The following NUF2 variants were observed in gnomAD, a reference collection of about 807,000 sequenced individuals.
The protein encoded by NUF2 is NUF2 component of NDC80 kinetochore complex.
In NUF2, 34 loss-of-function variants were observed where a neutral mutation model predicts 61.8. The observed-to-expected ratio is 0.55, with a 90% CI of 0.42 to 0.73. NUF2 has a LOEUF of 0.73. Among genes scored for constraint, NUF2 ranks in the 30% least tolerant of loss-of-function variants. The probability of loss-of-function intolerance (pLI) is 0.00; values close to 1 mark genes in which losing one functional copy is unlikely to be tolerated. For synonymous variants in NUF2, 172 were observed against 181.6 expected (o/e 0.95, Z 0.42); for missense variants, 445 against 539.1 (o/e 0.83, Z 1.73).
intron 13 of NUF2, among the ~76,000 whole-genome samples, chr1:163,350,555 G>A: frequency 6.6e-6 from 1 of 152,218 alleles, no homozygotes; most frequent in East Asian, 1.9e-4. Flanking sequence ...TTTCTTAACA[G>A]TAGCAATTGT....
intron 4 of NUF2, chr1:163,328,524 A>G: frequency 2.0e-6 from 1 of 504,840 alleles, no homozygotes; most frequent in Non-Finnish European, 3.5e-6. Flanking sequence ...TGAACTTCTA[A>G]GATACTGTAA....
chr1:163,353,561 G>A (rs1488646344), intron 13 of NUF2, among the ~76,000 whole-genome samples: 1 of 152,086 alleles, frequency 6.6e-6, no homozygotes, highest in African/African-American at 2.4e-5. Context: ...TGTGTCTAGT[G>A]GTTGCTGTAT....
chr1:163,350,137 TAAAAATACAG>T (rs1005093788), intron 13 of NUF2, among the ~76,000 whole-genome samples: 20 of 151,768 alleles, frequency 1.3e-4, no homozygotes, highest in South Asian at 4.2e-4. Flanking sequence ...CCGTCTCTAC[TAAAAATACAG>T]AAAAATTAGC....
In NUF2 at chr1:163,328,213, G is replaced by C. The variant is rs746285018; in HGVS notation, c.199-15G>C. The C allele has an allele frequency of 1.1e-5, 17 of 1,577,308 alleles. No homozygotes were observed. Among genetic ancestry groups the C allele is most frequent in the Non-Finnish European group, 1.5e-5 (17 of 1,153,822 alleles). ...ATCAATGTGTAATGTCGATTTTGTG[G>C]TTTATTGCATTTAGATGCCAGTGAA... On this transcript the variant is annotated splice_polypyrimidine_tract_variant and intron_variant, in intron 3 of 13. Coordinates refer to ENST00000271452, the MANE Select transcript of NUF2 (RefSeq NM_145697.3).
At chr1:163,326,235 G>T in intron 2 of NUF2, 61 bp downstream of exon 2, 2 of 1,532,894 alleles carry the variant, frequency 1.3e-6, no homozygotes, top group Non-Finnish European at 8.9e-7. Context: ...AAGCTACTAG[G>T]TCTATTGTGT....
At chr1:163,329,130 ACTC>A (rs1650521993) in intron 5 of NUF2, among the ~76,000 whole-genome samples, 1 of 151,948 alleles carries the variant, frequency 6.6e-6, no homozygotes, top group South Asian at 2.1e-4. Context: ...TTTTTTTAAA[ACTC>A]CTTCCATTTA....
chr1:163,347,172 C>T (rs1381412499), intron 11 of NUF2, among the ~76,000 whole-genome samples: 1 of 152,156 alleles, frequency 6.6e-6, no homozygotes, highest in Non-Finnish European at 1.5e-5. Flanking sequence ...CATAGTCTGC[C>T]CTGAAGAAAT....
chr1:163,332,996 C>T (rs1458997834), intron 5 of NUF2, among the ~76,000 whole-genome samples: 8 of 152,076 alleles, frequency 5.3e-5, no homozygotes, highest in African/African-American at 1.7e-4. Flanking sequence ...TGGTTAATAG[C>T]GTTGTTCAAG....
intron 12 of NUF2, 62 bp downstream of exon 12, chr1:163,348,000 TC>T (rs148966056): frequency 0.043 from 52,525 of 1,235,014 alleles, 1,312 homozygotes; most frequent in South Asian, 0.076. Context: ...AATACATTTT[TC>T]CCCCAGGATT....
chr1:163,344,201 T>C (rs2101684762), intron 10 of NUF2, among the ~76,000 whole-genome samples: 1 of 152,260 alleles, frequency 6.6e-6, no homozygotes. Flanking sequence ...AATTATAAAT[T>C]ACAATATATA....
chr1:163,353,877 A>C (rs1158539396), intron 13 of NUF2, among the ~76,000 whole-genome samples: 2 of 152,016 alleles, frequency 1.3e-5, no homozygotes, highest in Non-Finnish European at 2.9e-5. Flanking sequence ...CCTCCTTGAG[A>C]GTGTTACTTG....
In NUF2 at chr1:163,325,997, C is replaced by T. The variant is rs1305127520; in HGVS notation, c.-20-35C>T. The T allele has an allele frequency of 7.1e-6, 11 of 1,538,738 alleles. No homozygotes were observed. The East Asian group carries it at 2.5e-4, about 35-fold the overall frequency. ...TTTCCAGATAATGAGAACTACTGAT[C>T]ATGTGGTATTTCTCATTGTTTTTTC... On this transcript the variant is annotated intron_variant, in intron 1 of 13. Transcript: ENST00000271452.
chr1:163,323,446 A>G (rs1650305271), intron 1 of NUF2, among the ~76,000 whole-genome samples: 1 of 152,158 alleles, frequency 6.6e-6, no homozygotes. Context: ...GTGGCCTGGC[A>G]AGGTGGCTTA....
intron 1 of NUF2, among the ~76,000 whole-genome samples, chr1:163,325,725 A>G (rs1650395375): frequency 6.6e-6 from 1 of 152,158 alleles, no homozygotes; most frequent in African/African-American, 2.4e-5. Flanking sequence ...CTCAAATGTA[A>G]AAGAGAAGCA....
At chr1:163,352,217 T>A (rs553021471) in intron 13 of NUF2, among the ~76,000 whole-genome samples, 1 of 152,212 alleles carries the variant, frequency 6.6e-6, no homozygotes, top group Non-Finnish European at 1.5e-5. Flanking sequence ...GTGGTACTCT[T>A]CATACATGTA....
At position 163,323,838 on chromosome 1, in the gene NUF2, A is replaced by G. The variant is rs59016968; in HGVS notation, c.-21+1626A>G. ...TTTCAAATAATCAATTTATACAACAAGAACACAAGTGACACAGCAGATGGT... is the reference window on the plus strand; with the variant it reads ...TTTCAAATAATCAATTTATACAACAGGAACACAAGTGACACAGCAGATGGT... On this transcript the variant is annotated intron_variant, in intron 1 of 13. Coordinates refer to ENST00000271452, the MANE Select transcript of NUF2 (RefSeq NM_145697.3). Among the ~76,000 whole-genome samples, 1,475 of 152,278 alleles carry G rather than the reference A, an allele frequency of 9.7e-3. 22 individuals carry two copies. The highest frequency in any genetic ancestry group is 0.033 in the African/African-American group (1,377 of 41,540).
At chr1:163,338,327 G>C (rs1650831785) in intron 7 of NUF2, among the ~76,000 whole-genome samples, 1 of 150,754 alleles carries the variant, frequency 6.6e-6, no homozygotes, top group South Asian at 2.1e-4. Context: ...TTGTTAGTGT[G>C]TTAGCCTGAT....
intron 5 of NUF2, 31 bp downstream of exon 5, chr1:163,328,938 C>A: frequency 3.2e-6 from 4 of 1,252,838 alleles, no homozygotes; most frequent in Non-Finnish European, 4.6e-6. Context: ...GTTTTAATGT[C>A]TGGCTTCGAT....
intron 8 of NUF2, 31 bp downstream of exon 8, chr1:163,339,508 A>G (rs748898424): frequency 6.3e-6 from 9 of 1,422,690 alleles, no homozygotes; most frequent in South Asian, 5.8e-5. Flanking sequence ...TAAACTTTAA[A>G]AAACAAAATT....
Sources: allele counts gnomAD v4.1 joint callset (sites outside exome capture counted in the v4.1 genomes callset), GRCh38; gene constraint gnomAD v4.1.1; transcripts MANE v1.5; gene names NCBI Gene and HGNC (gene_info 2026-07-23, HGNC 2026-07-21).